The following SH3RF1 variants were observed in gnomAD, a reference collection of about 807,000 sequenced individuals.
The protein encoded by SH3RF1 is E3 ubiquitin-protein ligase SH3RF1.
A neutral mutation model predicts 74.0 loss-of-function variants in SH3RF1; 32 were observed. The ratio of observed to expected loss-of-function variants is 0.43; its 90% CI spans 0.33 to 0.58. The LOEUF (loss-of-function observed/expected upper bound fraction) is 0.58. Ranked by LOEUF, SH3RF1 falls within the 20% of genes least tolerant of loss-of-function variation. The pLI, the probability that SH3RF1 is intolerant of heterozygous loss-of-function variation, is 0.05. For missense variants in SH3RF1, 954 were observed against 1,130.9 expected (o/e 0.84, Z 2.24); for synonymous variants, 396 against 439.6 (o/e 0.90, Z 1.24).
chr4:169,237,723 A>G (rs983282149), intron 2 of SH3RF1, among the ~76,000 whole-genome samples: 4 of 152,212 alleles, frequency 2.6e-5, no homozygotes, highest in Non-Finnish European at 5.9e-5. Context: ...GACACAAGAC[A>G]GTAAAGATGA....
rs149920225 is a variant in SH3RF1 at position 169,148,612 on chromosome 4, C to T, written c.765+6868G>A. The stretch of plus-strand genomic sequence containing the variant: ...ACATAAGATATGGCTCTAAGAAACA[C>T]AGGAAAATAATAAATCATCAACAAA... On this transcript the variant is annotated intron_variant, in intron 4 of 11. Coordinates refer to ENST00000284637, the MANE Select transcript of SH3RF1 (RefSeq NM_020870.4). Among the ~76,000 whole-genome samples, 259 of 152,112 alleles carry T rather than the reference C, an allele frequency of 1.7e-3. 1 individual carries two copies. The highest frequency in any genetic ancestry group is 5.8e-3 in the African/African-American group (240 of 41,514).
rs1267067003 is a variant in SH3RF1 at position 169,130,099 on chromosome 4, T to C, written c.1126A>G (p.Thr376Ala). The C allele has an allele frequency of 3.1e-6, 5 of 1,613,020 alleles. No individual in the cohort carries two copies. The highest frequency in any genetic ancestry group is 4.2e-6 in the Non-Finnish European group (5 of 1,179,682). Residue 376 changes from threonine (T) to alanine (A), a missense_variant, in exon 6 of 12, where the codon ACT (threonine) becomes GCT (alanine). Physicochemically the swap from Thr to Ala is moderately conservative, Grantham distance 58 (BLOSUM62 0). This residue lies in a region of SH3RF1 where 854 missense variants were observed against 962.5 expected (regional missense o/e 0.89). Coordinates refer to ENST00000284637, the MANE Select transcript of SH3RF1 (RefSeq NM_020870.4). ...GATGGGAAAGTAAACGAGGGGCCAG[T>C]TGTCACTGGGCTGCTTGGGGGCGGG... is the stretch of plus-strand genomic sequence containing the variant. ...VTPPPSSPVT[T>A]GPSFTFPSDV...
chr4:169,119,709 C>T (rs6833014), intron 8 of SH3RF1, among the ~76,000 whole-genome samples: 60,275 of 152,042 alleles, frequency 0.4, 12,482 homozygotes, highest in African/African-American at 0.53. Context: ...TCTGCAACAA[C>T]AGTGATTTTC....
At chr4:169,253,106 C>T (rs913244363) in intron 2 of SH3RF1, among the ~76,000 whole-genome samples, 1 of 152,158 alleles carries the variant, frequency 6.6e-6, no homozygotes, top group Non-Finnish European at 1.5e-5. Flanking sequence ...AACCTAGTAA[C>T]ACATGAGAAT....
chr4:169,138,209 G>A (rs1217964448), intron 4 of SH3RF1, among the ~76,000 whole-genome samples: 1 of 152,144 alleles, frequency 6.6e-6, no homozygotes, highest in Non-Finnish European at 1.5e-5. Flanking sequence ...AAGCCCAAAT[G>A]AAGCAAAGTA....
intron 2 of SH3RF1, among the ~76,000 whole-genome samples, chr4:169,241,091 G>A (rs1379157115): frequency 6.6e-6 from 1 of 152,150 alleles, no homozygotes; most frequent in Non-Finnish European, 1.5e-5. Flanking sequence ...TTAGCCAAGC[G>A]TGGTGGCGGG....
rs141697311 is a variant in SH3RF1 at position 169,207,673 on chromosome 4, T to A, written c.394-50994A>T. On this transcript the variant is annotated intron_variant, in intron 2 of 11. Transcript: ENST00000284637. ...AGTCCAGGTTCTGGATGCTTCGAGCTTTGCTATGAAGATAAACCCAACTCT... is the reference window on the plus strand; with the variant it reads ...AGTCCAGGTTCTGGATGCTTCGAGCATTGCTATGAAGATAAACCCAACTCT... Among the ~76,000 whole-genome samples, 270 of 152,330 alleles carry A rather than the reference T, an allele frequency of 1.8e-3. 3 individuals are homozygous for A. In the Middle Eastern group the frequency reaches 0.065, roughly 36 times the overall value.
chr4:169,260,868 C>T (rs1731266536), intron 2 of SH3RF1, among the ~76,000 whole-genome samples: 1 of 152,220 alleles, frequency 6.6e-6, no homozygotes, highest in South Asian at 2.1e-4. Context: ...CCAAACACTA[C>T]ATCCACTTTA....
intron 2 of SH3RF1, among the ~76,000 whole-genome samples, chr4:169,170,191 G>A (rs1406693958): frequency 6.6e-6 from 1 of 152,054 alleles, no homozygotes; most frequent in Non-Finnish European, 1.5e-5. Flanking sequence ...ATGTTATTTT[G>A]TTCTAAATAA....
At chr4:169,232,784 C>T (rs940849687) in intron 2 of SH3RF1, among the ~76,000 whole-genome samples, 25 of 152,078 alleles carry the variant, frequency 1.6e-4, no homozygotes, top group African/African-American at 5.6e-4. Flanking sequence ...GTTTTTACCC[C>T]TCTTCAGTGA....
At chr4:169,243,653 C>T (rs1730949537) in intron 2 of SH3RF1, among the ~76,000 whole-genome samples, 1 of 152,138 alleles carries the variant, frequency 6.6e-6, no homozygotes, top group Non-Finnish European at 1.5e-5. Context: ...CTATATTCTC[C>T]AGTTATTTCA....
chr4:169,197,783 C>T (rs1158008049), intron 2 of SH3RF1, among the ~76,000 whole-genome samples: 1 of 152,012 alleles, frequency 6.6e-6, no homozygotes, highest in Admixed American at 6.6e-5. Context: ...GATACTACTA[C>T]AACTAATAAA....
intron 2 of SH3RF1, among the ~76,000 whole-genome samples, chr4:169,265,706 C>T (rs1394224175): frequency 6.6e-6 from 1 of 152,078 alleles, no homozygotes. Context: ...CTCTTGACCT[C>T]AAGTGATCCA....
At chr4:169,194,281 C>A (rs140912457) in intron 2 of SH3RF1, among the ~76,000 whole-genome samples, 6 of 152,280 alleles carry the variant, frequency 3.9e-5, no homozygotes, top group Non-Finnish European at 7.4e-5. Context: ...AAGGGAAACA[C>A]TCATGGAACA....
At chr4:169,270,458 C>T (rs1324163114) in intron 1 of SH3RF1, among the ~76,000 whole-genome samples, 2 of 151,370 alleles carry the variant, frequency 1.3e-5, no homozygotes, top group African/African-American at 4.9e-5. Flanking sequence ...TCCCTCTACA[C>T]GACTGCGGGA....
chr4:169,246,940 G>A (rs1436205616), intron 2 of SH3RF1, among the ~76,000 whole-genome samples: 4 of 152,200 alleles, frequency 2.6e-5, no homozygotes, highest in Non-Finnish European at 4.4e-5. Context: ...AAAAGAGGAA[G>A]GGGGAAGCAA....
In SH3RF1 at chr4:169,163,064, G is replaced by A. The variant is rs142038811; in HGVS notation, c.394-6385C>T. ...TCTCCAGCAGCCTTGCTGTTTTGCG[G>A]GGGGCATTAATGGTTTCGGGGGCAA... On this transcript the variant is annotated intron_variant, in intron 2 of 11. Transcript: ENST00000284637. Among the ~76,000 whole-genome samples the A allele has an allele frequency of 4.9e-3, 740 of 151,062 alleles. 2 individuals carry two copies. The highest frequency in any genetic ancestry group is 0.026 in the South Asian group (120 of 4,696).
chr4:169,229,512 A>T (rs1209499069), intron 2 of SH3RF1, among the ~76,000 whole-genome samples: 1 of 151,694 alleles, frequency 6.6e-6, no homozygotes, highest in Non-Finnish European at 1.5e-5. Flanking sequence ...ATACATTTGG[A>T]AAAGGACGTA....
intron 2 of SH3RF1, among the ~76,000 whole-genome samples, chr4:169,213,055 A>G (rs1730406409): frequency 6.6e-6 from 1 of 152,242 alleles, no homozygotes; most frequent in African/African-American, 2.4e-5. Context: ...GCAAACACCA[A>G]GCAATGCACT....
Sources: allele counts gnomAD v4.1 joint callset (sites outside exome capture counted in the v4.1 genomes callset), GRCh38; gene constraint gnomAD v4.1.1; regional missense constraint gnomAD v4.1.1; transcripts MANE v1.5; gene names NCBI Gene and HGNC (gene_info 2026-07-23, HGNC 2026-07-21).